Variants in DLG2 observed in about 807,000 individuals in gnomAD.
DLG2 encodes discs large MAGUK scaffold protein 2.
In DLG2, 45 loss-of-function variants were observed where a neutral mutation model predicts 132.5. The ratio of observed to expected loss-of-function variants is 0.34; its 90% confidence interval spans 0.27 to 0.44. The LOEUF (loss-of-function observed/expected upper bound fraction) is 0.44, where lower values mean the gene tolerates loss of function less well. Among genes scored for constraint, DLG2 ranks in the 20% least tolerant of loss-of-function variants. The pLI, the probability that DLG2 is intolerant of heterozygous loss-of-function variation, is 1.00. For synonymous variants in DLG2, 424 were observed against 419.6 expected (o/e 1.01, Z -0.13); for missense variants, 1,045 against 1,196.9 (o/e 0.87, Z 1.87).
At chr11:83,786,320 C>T (rs1326545071) in intron 18 of DLG2, 1 of 190,602 alleles carries the variant, frequency 5.2e-6, no homozygotes, top group Non-Finnish European at 1.1e-5. Flanking sequence ...AGAATATGGT[C>T]TACTGGTCTA....
chr11:83,977,482 C>A (rs1483216867), intron 12 of DLG2, among the ~76,000 whole-genome samples: 2 of 152,034 alleles, frequency 1.3e-5, no homozygotes, highest in Admixed American at 6.6e-5. Flanking sequence ...ATATATTCAA[C>A]CTTGTTTGCA....
chr11:84,894,923 C>A (rs183381899), intron 6 of DLG2, among the ~76,000 whole-genome samples: 32 of 152,266 alleles, frequency 2.1e-4, no homozygotes, highest in African/African-American at 7.0e-4. Context: ...CCTGCTAGTG[C>A]CCTCACCAGG....
At chr11:84,804,520 C>T (rs2075781212) in intron 6 of DLG2, among the ~76,000 whole-genome samples, 1 of 152,138 alleles carries the variant, frequency 6.6e-6, no homozygotes, top group Admixed American at 6.5e-5. Flanking sequence ...GTTAAAACAA[C>T]TAGTGACCCT....
intron 2 of DLG2, among the ~76,000 whole-genome samples, chr11:85,613,430 C>T (rs995843331): frequency 3.3e-5 from 5 of 152,138 alleles, no homozygotes; most frequent in South Asian, 4.1e-4. Flanking sequence ...GCCAAATTCC[C>T]GACAGCAATT....
chr11:83,666,259 CCGTGGT>C (rs1417804905), intron 18 of DLG2, among the ~76,000 whole-genome samples: 6 of 152,132 alleles, frequency 3.9e-5, no homozygotes, highest in Non-Finnish European at 8.8e-5. Context: ...AGCTAGGCAG[CCGTGGT>C]TTCTTTAACT....
intron 11 of DLG2, among the ~76,000 whole-genome samples, chr11:84,000,384 A>T (rs753760764): frequency 4.6e-5 from 7 of 152,082 alleles, no homozygotes; most frequent in Non-Finnish European, 7.4e-5. Context: ...CCATAAAGGG[A>T]CCAAATATTC....
At chr11:83,904,063 A>T (rs889594461) in intron 15 of DLG2, among the ~76,000 whole-genome samples, 1 of 152,184 alleles carries the variant, frequency 6.6e-6, no homozygotes, top group Non-Finnish European at 1.5e-5. Flanking sequence ...ATTAAGTAAA[A>T]TAAGGGTTAT....
At chr11:85,520,157 G>C (rs943079471) in intron 3 of DLG2, among the ~76,000 whole-genome samples, 13 of 152,074 alleles carry the variant, frequency 8.5e-5, no homozygotes, top group Admixed American at 6.5e-4. Context: ...TGGGATTACA[G>C]GCATGAGCCA....
At chr11:84,981,491 C>A (rs1248557409) in intron 6 of DLG2, among the ~76,000 whole-genome samples, 1 of 152,106 alleles carries the variant, frequency 6.6e-6, no homozygotes, top group African/African-American at 2.4e-5. Context: ...TCAGAAGAGC[C>A]CATTCTTGTG....
rs12421353 is a variant in DLG2, at chr11:84,391,738, G to A, written c.520-140447C>T. Among the ~76,000 whole-genome samples the A allele has an allele frequency of 1.5e-3, 226 of 150,998 alleles. 3 individuals carry two copies. The highest frequency in any genetic ancestry group is 0.013 in the Admixed American group (198 of 15,168). On this transcript the variant is annotated intron_variant, in intron 7 of 27. Coordinates refer to ENST00000376104, the MANE Select transcript of DLG2 (RefSeq NM_001142699.3). ...AACTAGATGCTGATTATTTTCCCTC[G>A]AATTGTTTCTTCCTAAAAACCAAAT... is the stretch of plus-strand genomic sequence containing the variant.
At chr11:84,999,696 T>G (rs1348068847) in intron 6 of DLG2, among the ~76,000 whole-genome samples, 1 of 152,122 alleles carries the variant, frequency 6.6e-6, no homozygotes, top group Non-Finnish European at 1.5e-5. Flanking sequence ...GGTGGAGCCT[T>G]TATATTATGA....
At chr11:84,329,091 T>C (rs2098446863) in intron 7 of DLG2, among the ~76,000 whole-genome samples, 1 of 152,204 alleles carries the variant, frequency 6.6e-6, no homozygotes, top group African/African-American at 2.4e-5. Context: ...CTATTGAACT[T>C]GTCCCATTAA....
intron 7 of DLG2, among the ~76,000 whole-genome samples, chr11:84,444,906 G>C (rs945736146): frequency 6.6e-6 from 1 of 151,578 alleles, no homozygotes; most frequent in African/African-American, 2.4e-5. Flanking sequence ...AGGTTGAAGC[G>C]ATTCTCCTGC....
chr11:85,384,811 A>G (rs1434001396), intron 3 of DLG2, among the ~76,000 whole-genome samples: 4 of 152,114 alleles, frequency 2.6e-5, no homozygotes, highest in African/African-American at 9.7e-5. Flanking sequence ...TCCTTGAGTG[A>G]TCCACCCACC....
chr11:84,163,366 C>T (rs1178673510), intron 9 of DLG2, 95 bp downstream of exon 9: 1 of 1,170,438 alleles, frequency 8.5e-7, no homozygotes, highest in African/African-American at 1.6e-5. Flanking sequence ...GGTTATAAAA[C>T]ACAATTGTAT....
intron 11 of DLG2, among the ~76,000 whole-genome samples, chr11:84,031,505 T>G (rs912560788): frequency 1.3e-5 from 2 of 152,294 alleles, no homozygotes; most frequent in African/African-American, 4.8e-5. Flanking sequence ...GAGGGGTTTG[T>G]GAGAAGGCAG....
intron 16 of DLG2, among the ~76,000 whole-genome samples, chr11:83,866,417 T>C (rs190484735): frequency 8.7e-4 from 132 of 152,296 alleles, no homozygotes; most frequent in African/African-American, 3.0e-3. Flanking sequence ...AACAGACTTA[T>C]GACTGGGTGC....
intron 8 of DLG2, among the ~76,000 whole-genome samples, chr11:84,231,277 T>G (rs1345986140): frequency 2.0e-5 from 3 of 152,236 alleles, no homozygotes; most frequent in African/African-American, 7.2e-5. Context: ...AATAGAATGA[T>G]GCTGGATCTT....
intron 7 of DLG2, among the ~76,000 whole-genome samples, chr11:84,359,025 T>A (rs184866525): frequency 7.8e-4 from 119 of 152,008 alleles, no homozygotes; most frequent in African/African-American, 2.6e-3. Flanking sequence ...CATGAGCATA[T>A]GAGTATATAT....
Sources: gnomAD v4.1 joint callset for allele counts (sites outside exome capture counted in the v4.1 genomes callset) on GRCh38, gnomAD v4.1.1 for gene constraint, MANE v1.5 for transcripts, NCBI Gene and HGNC (gene_info 2026-07-23, HGNC 2026-07-21) for gene names.